Variants in RALGPS1 observed in about 807,000 individuals in gnomAD.
RALGPS1 encodes ras-specific guanine nucleotide-releasing factor RalGPS1.
RALGPS1 carries 19 observed loss-of-function variants against 78.8 expected under a neutral mutation model. The ratio of observed to expected loss-of-function variants is 0.24; its 90% CI spans 0.17 to 0.35. The LOEUF is 0.35. RALGPS1 is among the 10% of genes least tolerant of loss of function. The pLI is 1.00. For synonymous variants in RALGPS1, 228 were observed against 256.3 expected, an observed-to-expected ratio of 0.89 and a Z score of 1.06; for missense variants, 454 against 688.3, an observed-to-expected ratio of 0.66 and a Z score of 3.81.
At chr9:127,108,292 C>A in intron 8 of RALGPS1, 5 of 1,613,948 alleles carry the variant, frequency 3.1e-6, no homozygotes, top group Non-Finnish European at 4.2e-6. Context: ...GTCCCGCTTG[C>A]GGATGATCTC....
chr9:126,982,863 T>C (rs2041401888), intron 4 of RALGPS1, among the ~76,000 whole-genome samples: 2 of 149,350 alleles, frequency 1.3e-5, no homozygotes, highest in South Asian at 4.3e-4. Flanking sequence ...TCCTCCTTCT[T>C]CTTCTTCTTC....
At chr9:127,199,898 GCACA>G (rs139075098) in intron 14 of RALGPS1, among the ~76,000 whole-genome samples, 2 of 145,946 alleles carry the variant, frequency 1.4e-5, no homozygotes, top group Admixed American at 6.7e-5. Context: ...AGGGCCCTGG[GCACA>G]CACACACACG....
At chr9:127,101,925 G>A (rs1043930310) in intron 8 of RALGPS1, among the ~76,000 whole-genome samples, 2 of 152,014 alleles carry the variant, frequency 1.3e-5, no homozygotes, top group African/African-American at 4.8e-5. Flanking sequence ...TTAAACAAAG[G>A]ATCACATAAA....
In RALGPS1 at chr9:127,196,476, T is replaced by C; in HGVS notation, c.1040T>C (p.Met347Thr). ...CTTTCTTCCTTTCCATTTTCCAGTA[T>C]GATGTGTCAGTTGAGTGTAGTTGAG... ...HRKSHSLGNN[M>T]MCQLSVVESK... The change falls in exon 13 of 19, where the codon ATG becomes ACG. Residue 347 changes from methionine (M) to threonine (T), a missense_variant and splice_region_variant. Transcript: ENST00000259351. 3 of 1,610,676 alleles carry C rather than the reference T, an allele frequency of 1.9e-6. No homozygotes were observed. Among genetic ancestry groups the C allele is most frequent in the Non-Finnish European group, 2.5e-6 (3 of 1,178,328 alleles).
At chr9:127,021,910 A>G (rs1801055295) in intron 4 of RALGPS1, among the ~76,000 whole-genome samples, 1 of 152,094 alleles carries the variant, frequency 6.6e-6, no homozygotes, top group Non-Finnish European at 1.5e-5. Flanking sequence ...CTAATTGTGC[A>G]GAGCTACGTA....
chr9:127,000,376 T>G (rs2043178480), intron 4 of RALGPS1, among the ~76,000 whole-genome samples: 1 of 152,070 alleles, frequency 6.6e-6, no homozygotes, highest in South Asian at 2.1e-4. Context: ...CTCCCACGCG[T>G]TTTGATATTT....
intron 11 of RALGPS1, chr9:127,178,442 A>G: frequency 3.8e-6 from 4 of 1,043,726 alleles, no homozygotes; most frequent in Non-Finnish European, 4.6e-6. Context: ...TAGTGTTGTT[A>G]TTAGCACAGT....
chr9:127,041,067 A>G (rs79154070), intron 5 of RALGPS1, among the ~76,000 whole-genome samples: 701 of 25,590 alleles, frequency 0.027, 4 homozygotes, highest in East Asian at 0.035. Context: ...GTGTGTGTGT[A>G]TGTACTAAAG....
At chr9:127,163,879 T>C (rs915049755) in intron 8 of RALGPS1, among the ~76,000 whole-genome samples, 2 of 152,244 alleles carry the variant, frequency 1.3e-5, no homozygotes, top group African/African-American at 4.8e-5. Flanking sequence ...AGTTGTTTAA[T>C]AGTAAATTTT....
intron 11 of RALGPS1, among the ~76,000 whole-genome samples, chr9:127,191,375 G>C (rs2061022184): frequency 6.6e-6 from 1 of 151,910 alleles, no homozygotes; most frequent in Non-Finnish European, 1.5e-5. Flanking sequence ...TAATCCACTT[G>C]CTTAACATAA....
chr9:127,217,233 G>A, intron 18 of RALGPS1: 2 of 1,214,378 alleles, frequency 1.6e-6, no homozygotes, highest in Non-Finnish European at 2.0e-6. Flanking sequence ...TTCAGACCTG[G>A]AGGAGGGGAT....
chr9:126,981,791 C>T (rs1331089497), intron 4 of RALGPS1, among the ~76,000 whole-genome samples: 36 of 152,156 alleles, frequency 2.4e-4, no homozygotes, highest in Admixed American at 2.4e-3. Flanking sequence ...ATTACTCCCA[C>T]ACTTAGCAGC....
intron 8 of RALGPS1, among the ~76,000 whole-genome samples, chr9:127,083,640 G>A (rs1392125879): frequency 3.3e-5 from 5 of 152,174 alleles, no homozygotes; most frequent in Non-Finnish European, 7.3e-5. Context: ...CTTATTAAAT[G>A]AGCTGGACTC....
At chr9:127,070,933 T>C (rs1448017345) in intron 8 of RALGPS1, among the ~76,000 whole-genome samples, 7 of 151,538 alleles carry the variant, frequency 4.6e-5, no homozygotes, top group African/African-American at 1.4e-4. Flanking sequence ...TAGTAGAAAA[T>C]TGTCCATTTG....
At chr9:126,954,118 G>A (rs1032965971) in intron 1 of RALGPS1, among the ~76,000 whole-genome samples, 6 of 152,198 alleles carry the variant, frequency 3.9e-5, no homozygotes, top group African/African-American at 1.4e-4. Flanking sequence ...GACCCCCAAA[G>A]GCATTGGTCA....
intron 8 of RALGPS1, among the ~76,000 whole-genome samples, chr9:127,157,153 T>TA (rs1564683701): frequency 6.6e-6 from 1 of 152,100 alleles, no homozygotes; most frequent in East Asian, 1.9e-4. Context: ...TTCTTCTTGT[T>TA]AAAAATGTTT....
chr9:127,157,815 T>C (rs2058787210), intron 8 of RALGPS1, among the ~76,000 whole-genome samples: 1 of 152,136 alleles, frequency 6.6e-6, no homozygotes. Flanking sequence ...ATCTTTAATA[T>C]TCCACATTTG....
intron 1 of RALGPS1, among the ~76,000 whole-genome samples, chr9:126,945,735 C>A (rs541729730): frequency 1.1e-4 from 17 of 152,324 alleles, no homozygotes; most frequent in African/African-American, 3.8e-4. Context: ...CAGGCCTGTT[C>A]TCAGGTCTCA....
intron 3 of RALGPS1, among the ~76,000 whole-genome samples, chr9:126,972,897 A>G (rs1305444425): frequency 6.6e-6 from 1 of 152,120 alleles, no homozygotes; most frequent in Non-Finnish European, 1.5e-5. Context: ...CCCTGTCTCT[A>G]CTAAAAATAC....
Sources: allele counts gnomAD v4.1 joint callset (sites outside exome capture counted in the v4.1 genomes callset), GRCh38; gene constraint gnomAD v4.1.1; transcripts MANE v1.5; gene names NCBI Gene and HGNC (gene_info 2026-07-23, HGNC 2026-07-21).